The following DYNC2H1 variants were observed in gnomAD, a reference collection of about 807,000 sequenced individuals.
DYNC2H1 encodes the protein dynein cytoplasmic 2 heavy chain 1.
DYNC2H1 carries 410 observed loss-of-function variants against 570.0 expected under a neutral mutation model. The observed-to-expected ratio is 0.72, with a 90% CI of 0.66 to 0.78. The LOEUF (loss-of-function observed/expected upper bound fraction) is 0.78. Ranked by LOEUF, DYNC2H1 falls within the 30% of genes least tolerant of loss-of-function variation. DYNC2H1 has a pLI of 0.00. For synonymous variants in DYNC2H1, 1,688 were observed against 1,677.6 expected (o/e 1.01, Z -0.15); for missense variants, 4,865 against 5,046.4 (o/e 0.96, Z 1.09).
At chr11:103,386,136 A>C (rs187609201) in intron 83 of DYNC2H1, among the ~76,000 whole-genome samples, 184 of 152,324 alleles carry the variant, frequency 1.2e-3, no homozygotes, top group African/African-American at 4.3e-3. Context: ...AATATGCTTT[A>C]ATATGTTATT....
chr11:103,242,758 G>C (rs1179294884), intron 63 of DYNC2H1, among the ~76,000 whole-genome samples: 1 of 151,988 alleles, frequency 6.6e-6, no homozygotes, highest in Non-Finnish European at 1.5e-5. Context: ...TGGAGTCTCT[G>C]TCGCCAGGCT....
intron 12 of DYNC2H1, among the ~76,000 whole-genome samples, chr11:103,127,486 G>A (rs1375032703): frequency 6.6e-6 from 1 of 152,198 alleles, no homozygotes; most frequent in Admixed American, 6.5e-5. Context: ...AATAAGTAGA[G>A]TGGGTTTTCC....
intron 70 of DYNC2H1, among the ~76,000 whole-genome samples, chr11:103,262,106 T>G (rs1865319860): frequency 6.6e-6 from 1 of 152,140 alleles, no homozygotes; most frequent in African/African-American, 2.4e-5. Flanking sequence ...TATCAGAGAT[T>G]GAAGATCAAC....
At chr11:103,388,071 T>G (rs1402037010) in intron 83 of DYNC2H1, among the ~76,000 whole-genome samples, 2 of 152,200 alleles carry the variant, frequency 1.3e-5, no homozygotes, top group East Asian at 3.8e-4. Flanking sequence ...GGGATGGCAT[T>G]GAATCTATAA....
In DYNC2H1 at chr11:103,470,471, TGCA is replaced by T. The variant is rs1285866864; in HGVS notation, c.12765+1768_12765+1770del. Reference sequence around the variant, plus strand: ...AGTTTTAGGGTACATGTGCACAACGTGCAGGTTTGTTACGTATGTATACATGTG... The same window carrying T: ...AGTTTTAGGGTACATGTGCACAACGTGGTTTGTTACGTATGTATACATGTG... On this transcript the variant is annotated intron_variant, in intron 88 of 88. Coordinates refer to ENST00000375735, the MANE Select transcript of DYNC2H1 (RefSeq NM_001377.3). Among the ~76,000 whole-genome samples, 3 of 152,240 alleles carry T rather than the reference TGCA, an allele frequency of 2.0e-5. No homozygotes were observed. In the East Asian group the frequency reaches 5.8e-4, roughly 29 times the overall value.
chr11:103,476,177 G>C (rs1044688339), intron 88 of DYNC2H1, among the ~76,000 whole-genome samples: 25 of 152,166 alleles, frequency 1.6e-4, no homozygotes, highest in African/African-American at 5.8e-4. Context: ...CATCTAAGCA[G>C]AATTGAACAA....
At chr11:103,179,256 A>G (rs1298435361) in intron 39 of DYNC2H1, 23 bp downstream of exon 39, 1 of 1,602,690 alleles carries the variant, frequency 6.2e-7, no homozygotes, top group Non-Finnish European at 8.5e-7. Flanking sequence ...TTATTTATAT[A>G]CAGTATATTA....
chr11:103,345,416 G>T (rs1290208907), intron 82 of DYNC2H1, among the ~76,000 whole-genome samples: 3 of 152,118 alleles, frequency 2.0e-5, no homozygotes, highest in Non-Finnish European at 4.4e-5. Flanking sequence ...TTTAGTGGTT[G>T]TACTAATTCA....
At chr11:103,236,259 T>G (rs1864214874) in intron 62 of DYNC2H1, among the ~76,000 whole-genome samples, 171 bp from the exon 63 acceptor site, 1 of 152,022 alleles carries the variant, frequency 6.6e-6, no homozygotes, top group African/African-American at 2.4e-5. Context: ...TTGCACTTTT[T>G]GTTTTTGTTT....
Position 103,252,993 on chromosome 11 carries a change from G to A in DYNC2H1, c.10043-292G>A, listed in dbSNP as rs1436379973. On this transcript the variant is annotated intron_variant, in intron 65 of 88. Transcript: ENST00000375735. This position sits in a 1 kb window ranked among gnomAD's most constrained non-coding sequence, Gnocchi z 4.6. ...GTCATCTATAATCAGCCATTTCAGA[G>A]CAATCTGGAATATGAAACATATTAA... Among the ~76,000 whole-genome samples, 5 of 152,078 alleles carry A rather than the reference G, an allele frequency of 3.3e-5. No individual in the cohort carries two copies. In the East Asian group the frequency reaches 5.8e-4, roughly 18 times the overall value.
intron 82 of DYNC2H1, 75 bp from the exon 83 acceptor site, chr11:103,358,168 T>A: frequency 3.7e-6 from 3 of 800,976 alleles, no homozygotes; most frequent in South Asian, 4.5e-5. Flanking sequence ...AATGTCTGTT[T>A]TTGTACCTAT....
rs1284333831 is a variant in DYNC2H1 at position 103,319,665 on chromosome 11, G to GA, written c.11726-1357dup. On this transcript the variant is annotated intron_variant, in intron 80 of 88. Transcript: ENST00000375735. This position sits in a 1 kb window ranked among gnomAD's most constrained non-coding sequence, Gnocchi z 4.3. ...AAATTTGTTTTGAGAAAAATAGGTA[G>GA]AAAAAAATAAGATTTTCTTATAAAA... Among the ~76,000 whole-genome samples the GA allele has an allele frequency of 1.3e-5, 2 of 151,938 alleles. No homozygotes were observed. The highest frequency in any genetic ancestry group is 2.4e-5 in the African/African-American group (1 of 41,388).
At position 103,334,948 on chromosome 11, in the gene DYNC2H1, A is replaced by G. The variant is rs1256288084; in HGVS notation, c.12039+10958A>G. 6.6e-6 allele frequency among the ~76,000 whole-genome samples: 1 copy of G among 152,128 alleles called. No individual in the cohort carries two copies. Among genetic ancestry groups the G allele is most frequent in the Non-Finnish European group, 1.5e-5 (1 of 67,966 alleles). ...TTTTTAAACAAATAAAAAACACCAG[A>G]GAAACCAAATGTTCCTTAATTATTC... On this transcript the variant is annotated intron_variant, in intron 82 of 88. Coordinates refer to ENST00000375735, the MANE Select transcript of DYNC2H1 (RefSeq NM_001377.3). The surrounding 1 kb of genome is among the most constrained non-coding windows in gnomAD (Gnocchi z 4.3).
At chr11:103,312,149 G>A in intron 79 of DYNC2H1, 116 bp downstream of exon 79, 2 of 1,078,836 alleles carry the variant, frequency 1.9e-6, no homozygotes, top group South Asian at 1.8e-5. Flanking sequence ...GGGAGGCCAA[G>A]GTGGGCGGAT....
chr11:103,312,011 A>C lies in DYNC2H1; in HGVS notation c.11627A>C (p.Glu3876Ala), dbSNP rs1591559922. The C allele has an allele frequency of 2.5e-6, 4 of 1,612,030 alleles. No individual in the cohort carries two copies. Among genetic ancestry groups the C allele is most frequent in the Non-Finnish European group, 3.4e-6 (4 of 1,179,352 alleles). The change falls in exon 79 of 89, where the codon GAA (glutamate) becomes GCA (alanine). Residue 3876 changes from glutamate to alanine, a missense_variant. Coordinates refer to ENST00000375735, the MANE Select transcript of DYNC2H1 (RefSeq NM_001377.3). The stretch of plus-strand genomic sequence containing the variant: ...GCATGGTTTCATGCTGCATGTCAAG[A>C]AAGAAGAAACTATATTCCTCAGGTA... ...SLAWFHAACQERRNYIPQGWT... is the reference protein window; with the variant it reads ...SLAWFHAACQARRNYIPQGWT...
At chr11:103,458,193 T>G (rs1005663924) in intron 87 of DYNC2H1, among the ~76,000 whole-genome samples, 3 of 152,208 alleles carry the variant, frequency 2.0e-5, no homozygotes, top group Admixed American at 1.3e-4. Flanking sequence ...TTATCTTTTA[T>G]ACTCTCTTTA....
intron 85 of DYNC2H1, among the ~76,000 whole-genome samples, chr11:103,453,641 T>TATATATATATAC (rs1273661728): frequency 1.1e-5 from 1 of 93,192 alleles, no homozygotes; most frequent in African/African-American, 3.8e-5. Context: ...TATATATATA[T>TATATATATATAC]ACACACATTC....
At chr11:103,251,192 A>G (rs892446429) in intron 65 of DYNC2H1, among the ~76,000 whole-genome samples, 4 of 152,056 alleles carry the variant, frequency 2.6e-5, no homozygotes, top group Non-Finnish European at 5.9e-5. Flanking sequence ...AAATATTTTG[A>G]AAGCTATGTT....
chr11:103,453,946 A>G (rs1187229241), intron 85 of DYNC2H1, among the ~76,000 whole-genome samples: 1 of 152,048 alleles, frequency 6.6e-6, no homozygotes, highest in East Asian at 1.9e-4. Flanking sequence ...ATCATTGTAA[A>G]GGATATAGCC....
Sources: gnomAD v4.1 joint callset for allele counts (sites outside exome capture counted in the v4.1 genomes callset) on GRCh38, gnomAD v4.1.1 for gene constraint, Gnocchi (gnomAD v3.1) non-coding constraint, MANE v1.5 for transcripts, NCBI Gene and HGNC (gene_info 2026-07-23, HGNC 2026-07-21) for gene names.